CFTR: variants seen among roughly 807,000 people sequenced by gnomAD.
CFTR encodes the protein cystic fibrosis transmembrane conductance regulator.
A neutral mutation model predicts 171.6 loss-of-function variants in CFTR; 181 were observed. The observed-to-expected ratio is 1.05, with a 90% CI of 0.93 to 1.19. The LOEUF (loss-of-function observed/expected upper bound fraction) is 1.19. Ranked by LOEUF, CFTR falls within the 50% of genes most tolerant of loss-of-function variation. The probability of loss-of-function intolerance (pLI) is 0.00; values close to 1 mark genes in which losing one functional copy is unlikely to be tolerated. For synonymous variants in CFTR, 583 were observed against 608.0 expected, an observed-to-expected ratio of 0.96 and a Z score of 0.60; for missense variants, 1,968 against 1,734.7, an observed-to-expected ratio of 1.13 and a Z score of -2.39.
rs1345439008 is a variant in CFTR, at chr7:117,667,018, C to T, written c.4353C>T (p.Pro1451=). The part of the protein sequence containing the change: ...ISPSDRVKLF[P]HRNSSKCKSK... The stretch of plus-strand genomic sequence containing the variant: ...CCTCCGACAGGGTGAAGCTCTTTCC[C>T]CACCGGAACTCAAGCAAGTGCAAGT... The change falls in exon 27 of 27, where the codon CCC becomes CCT. Residue 1451 remains proline, a synonymous_variant. Transcript: ENST00000003084. The T allele has an allele frequency of 6.2e-7, 1 of 1,614,022 alleles. No individual in the cohort carries two copies. Among genetic ancestry groups the T allele is most frequent in the African/African-American group, 1.3e-5 (1 of 75,020 alleles).
In CFTR at chr7:117,536,514, A is replaced by AGATT. The variant is rs1805171; in HGVS notation, c.744-9_744-6dup. The AGATT allele has an allele frequency of 1.7e-3, 2,583 of 1,541,332 alleles. 6 individuals carry two copies. Among genetic ancestry groups the AGATT allele is most frequent in the African/African-American group, 4.0e-3 (294 of 73,334 alleles). ...GATAATTTGACTTGTTTTTACTATT[A>AGATT]GATTGATTGATTGATTGATTGATTG... On this transcript the variant is annotated intron_variant, in intron 6 of 26. Coordinates refer to ENST00000003084, the MANE Select transcript of CFTR (RefSeq NM_000492.4).
intron 21 of CFTR, among the ~76,000 whole-genome samples, chr7:117,624,079 T>C (rs1053238208): frequency 6.6e-6 from 1 of 152,186 alleles, no homozygotes; most frequent in African/African-American, 2.4e-5. Context: ...CTATGAATCT[T>C]TGACTATGAA....
At chr7:117,586,221 C>T (rs758782561) in intron 11 of CFTR, 2 of 152,042 alleles carry the variant, frequency 1.3e-5, no homozygotes, top group Non-Finnish European at 2.9e-5. Context: ...CAAAAGCATG[C>T]TCATTTAGGC....
intron 3 of CFTR, among the ~76,000 whole-genome samples, chr7:117,520,916 G>C (rs925662940): frequency 3.3e-5 from 5 of 151,922 alleles, no homozygotes; most frequent in Admixed American, 2.6e-4. Flanking sequence ...AAATGTTGAT[G>C]AAGATTGCAC....
At chr7:117,661,959 C>T (rs1171491392) in intron 24 of CFTR, among the ~76,000 whole-genome samples, 3 of 136,786 alleles carry the variant, frequency 2.2e-5, no homozygotes, top group East Asian at 2.2e-4. Context: ...TAAGCCAGAC[C>T]TTTTCTTGCT....
At chr7:117,617,510 C>T (rs1480920846) in intron 21 of CFTR, among the ~76,000 whole-genome samples, 3 of 152,028 alleles carry the variant, frequency 2.0e-5, no homozygotes, top group East Asian at 1.9e-4. Context: ...CCACCTTCTT[C>T]TTCCTTCTCC....
intron 11 of CFTR, among the ~76,000 whole-genome samples, chr7:117,573,036 T>G (rs867851390): frequency 6.9e-6 from 1 of 144,260 alleles, no homozygotes. Context: ...ACTCCACCCT[T>G]TCTCTCTCTC....
chr7:117,661,459 A>C lies in CFTR; in HGVS notation c.3964-3229A>C, dbSNP rs183701936. Reference sequence around the variant, plus strand: ...CACAAGTGCAAAGTCTAAGACAGTCAAATAGCTTTCCTAGTACGGCCTTAG... The same window carrying C: ...CACAAGTGCAAAGTCTAAGACAGTCCAATAGCTTTCCTAGTACGGCCTTAG... On this transcript the variant is annotated intron_variant, in intron 24 of 26. Coordinates refer to ENST00000003084, the MANE Select transcript of CFTR (RefSeq NM_000492.4). 3.9e-5 allele frequency among the ~76,000 whole-genome samples: 6 copies of C among 152,358 alleles called. No homozygotes were observed. In the East Asian group the frequency reaches 1.2e-3, roughly 29 times the overall value.
chr7:117,498,352 G>T (rs1584771846), intron 1 of CFTR, among the ~76,000 whole-genome samples: 1 of 152,092 alleles, frequency 6.6e-6, no homozygotes, highest in Non-Finnish European at 1.5e-5. Context: ...AGCTGACCAA[G>T]TGATTACTGC....
intron 24 of CFTR, among the ~76,000 whole-genome samples, chr7:117,656,760 T>C (rs1199257931): frequency 6.6e-6 from 1 of 152,192 alleles, no homozygotes; most frequent in Non-Finnish European, 1.5e-5. Flanking sequence ...ATGTTGAGCC[T>C]CAAAGGTCTT....
At chr7:117,612,412 A>C (rs1004920815) in intron 20 of CFTR, among the ~76,000 whole-genome samples, 3 of 152,072 alleles carry the variant, frequency 2.0e-5, no homozygotes, top group African/African-American at 7.2e-5. Context: ...AGAAAGTGCC[A>C]TGTTTTTCAA....
intron 3 of CFTR, among the ~76,000 whole-genome samples, chr7:117,521,612 A>G (rs1798687391): frequency 6.6e-6 from 1 of 152,154 alleles, no homozygotes; most frequent in African/African-American, 2.4e-5. Context: ...TTCTTGGAAT[A>G]ACGACATATA....
chr7:117,510,491 T>G (rs1162635625), intron 3 of CFTR, among the ~76,000 whole-genome samples: 1 of 152,222 alleles, frequency 6.6e-6, no homozygotes, highest in South Asian at 2.1e-4. Flanking sequence ...GTAATTGTTA[T>G]GTCATGGCCA....
intron 11 of CFTR, among the ~76,000 whole-genome samples, chr7:117,574,451 C>G (rs1017708803): frequency 1.3e-5 from 2 of 152,030 alleles, no homozygotes; most frequent in Admixed American, 6.6e-5. Context: ...ACACATTTCT[C>G]TTTATATAAA....
intron 15 of CFTR, among the ~76,000 whole-genome samples, chr7:117,595,710 C>A (rs1468415421): frequency 6.6e-6 from 1 of 151,758 alleles, no homozygotes; most frequent in Non-Finnish European, 1.5e-5. Context: ...CAGTGAGACA[C>A]CGTATCTACA....
intron 11 of CFTR, among the ~76,000 whole-genome samples, chr7:117,567,385 C>G (rs1352160598): frequency 6.6e-6 from 1 of 152,120 alleles, no homozygotes; most frequent in Non-Finnish European, 1.5e-5. Context: ...TTCATGAAGA[C>G]CTTTCAGGAA....
At chr7:117,565,282 A>T (rs1214267032) in intron 11 of CFTR, among the ~76,000 whole-genome samples, 1 of 152,180 alleles carries the variant, frequency 6.6e-6, no homozygotes, top group Non-Finnish European at 1.5e-5. Flanking sequence ...CCCTTATGAG[A>T]TTATAATTGT....
chr7:117,484,717 A>G (rs890657566), intron 1 of CFTR, among the ~76,000 whole-genome samples: 2 of 151,300 alleles, frequency 1.3e-5, no homozygotes, highest in African/African-American at 2.4e-5. Context: ...ATATCTTTGT[A>G]TATGTAAAAT....
chr7:117,624,264 A>G (rs1792619974), intron 21 of CFTR, among the ~76,000 whole-genome samples: 1 of 152,118 alleles, frequency 6.6e-6, no homozygotes, highest in South Asian at 2.1e-4. Flanking sequence ...GTGTTGCCCT[A>G]CATCATCTTT....
Sources: gnomAD v4.1 joint callset for allele counts (sites outside exome capture counted in the v4.1 genomes callset) on GRCh38, gnomAD v4.1.1 for gene constraint, MANE v1.5 for transcripts, NCBI Gene and HGNC (gene_info 2026-07-23, HGNC 2026-07-21) for gene names.